The following GALNT13 variants were observed in gnomAD, a reference collection of about 807,000 sequenced individuals.
GALNT13 encodes polypeptide N-acetylgalactosaminyltransferase 13, also known as UDP-GalNAc:polypeptide N-acetylgalactosaminyltransferase 13.
GALNT13 carries 28 observed loss-of-function variants against 64.2 expected under a neutral mutation model. That is an observed-to-expected ratio of 0.44 (90% CI 0.32 to 0.60). The LOEUF is 0.60. Among genes scored for constraint, GALNT13 ranks in the 20% least tolerant of loss-of-function variants. The pLI, the probability that GALNT13 is intolerant of heterozygous loss-of-function variation, is 0.05. For missense variants in GALNT13, 577 were observed against 669.8 expected (o/e 0.86, Z 1.53); for synonymous variants, 214 against 224.6 (o/e 0.95, Z 0.42).
chr2:153,696,649 T>G, the GALNT13 span, among the ~76,000 whole-genome samples: 2 of 152,192 alleles, frequency 1.3e-5, no homozygotes, highest in African/African-American at 4.8e-5. Context: ...AAGTTATGCA[T>G]ATGTAGTCAT....
chr2:153,609,500 A>G, the GALNT13 span, among the ~76,000 whole-genome samples: 1 of 152,110 alleles, frequency 6.6e-6, no homozygotes, highest in Non-Finnish European at 1.5e-5. Context: ...GTAACTTTTA[A>G]TGTACATTTG....
chr2:154,266,018 A>G (rs964429816), intron 8 of GALNT13, among the ~76,000 whole-genome samples: 23 of 152,200 alleles, frequency 1.5e-4, no homozygotes, highest in African/African-American at 5.5e-4. Flanking sequence ...TTGATTGGTC[A>G]TCTGAATAGA....
At chr2:154,181,805 T>G (rs1172165809) in intron 4 of GALNT13, among the ~76,000 whole-genome samples, 1 of 152,050 alleles carries the variant, frequency 6.6e-6, no homozygotes, top group Admixed American at 6.6e-5. Context: ...TAAATAATAT[T>G]TCACCATTTT....
chr2:153,582,054 G>C, the GALNT13 span, among the ~76,000 whole-genome samples: 1 of 152,122 alleles, frequency 6.6e-6, no homozygotes. Context: ...GGAGAGGGAA[G>C]TGCATTCTGT....
At position 154,450,757 on chromosome 2, in the gene GALNT13, T is replaced by C; in HGVS notation, c.*206T>C. On this transcript the variant is annotated 3_prime_UTR_variant, in exon 13 of 13. Coordinates refer to ENST00000392825, the MANE Select transcript of GALNT13 (RefSeq NM_052917.4). ...TGATCAAAGCACATAAGAATATAAA[T>C]AATAGCAAACTACTATTAAACAACA... The C allele has an allele frequency of 2.2e-6, 1 of 458,072 alleles. No homozygotes were observed. Among genetic ancestry groups the C allele is most frequent in the Middle Eastern group, 5.8e-4 (1 of 1,732 alleles). The allele number at this position is 458,072 out of a possible 1,614,324, so 28.4% of individuals were successfully genotyped here.
chr2:153,140,551 C>A, the GALNT13 span, among the ~76,000 whole-genome samples: 1 of 152,002 alleles, frequency 6.6e-6, no homozygotes, highest in Non-Finnish European at 1.5e-5. Context: ...AATCTTATGG[C>A]TTGAGTCTAG....
At chr2:153,431,100 A>C in the GALNT13 span, among the ~76,000 whole-genome samples, 1 of 151,268 alleles carries the variant, frequency 6.6e-6, no homozygotes, top group South Asian at 2.1e-4. Context: ...CAGTGAGCCG[A>C]GATTGTGCCA....
At chr2:154,353,359 TA>T (rs774347248) in intron 9 of GALNT13, among the ~76,000 whole-genome samples, 14 of 152,188 alleles carry the variant, frequency 9.2e-5, no homozygotes, top group Non-Finnish European at 1.8e-4. Context: ...ATATAGATAG[TA>T]AAATGGTTAT....
the GALNT13 span, among the ~76,000 whole-genome samples, chr2:153,084,940 G>GA: frequency 2.6e-5 from 4 of 152,310 alleles, no homozygotes; most frequent in East Asian, 3.9e-4. Context: ...AAGAAGACAG[G>GA]AAAATGTGAG....
the GALNT13 span, among the ~76,000 whole-genome samples, chr2:153,127,290 G>A: frequency 1.3e-5 from 2 of 152,080 alleles, no homozygotes; most frequent in African/African-American, 4.8e-5. Context: ...AGCATACTGA[G>A]CTGAGAAATT....
At chr2:154,343,676 T>C (rs180932392) in intron 9 of GALNT13, among the ~76,000 whole-genome samples, 1 of 152,202 alleles carries the variant, frequency 6.6e-6, no homozygotes, top group East Asian at 1.9e-4. Context: ...AAGATCTTCT[T>C]GAATATGTGA....
At chr2:153,127,925 A>T in the GALNT13 span, among the ~76,000 whole-genome samples, 1 of 152,224 alleles carries the variant, frequency 6.6e-6, no homozygotes, top group Non-Finnish European at 1.5e-5. Flanking sequence ...TGCAAATGCC[A>T]TACTGTGTTC....
chr2:154,172,482 CTT>C (rs950435216), intron 4 of GALNT13, among the ~76,000 whole-genome samples: 3 of 152,128 alleles, frequency 2.0e-5, no homozygotes, highest in African/African-American at 7.2e-5. Flanking sequence ...AACCACCAAT[CTT>C]TTCTGTCTTC....
the GALNT13 span, among the ~76,000 whole-genome samples, chr2:153,192,849 T>C: frequency 6.6e-6 from 1 of 151,992 alleles, no homozygotes; most frequent in African/African-American, 2.4e-5. Flanking sequence ...GCATAGAATA[T>C]TTTTTCCATC....
chr2:153,456,714 C>A, the GALNT13 span, among the ~76,000 whole-genome samples: 1 of 152,070 alleles, frequency 6.6e-6, no homozygotes, highest in Non-Finnish European at 1.5e-5. Context: ...TCCTATCGTG[C>A]AAATGAAAAA....
intron 8 of GALNT13, among the ~76,000 whole-genome samples, chr2:154,295,132 G>A (rs4664731): frequency 0.97 from 148,027 of 152,242 alleles, 72,106 homozygotes; most frequent in East Asian, 1. Flanking sequence ...CATATTTATA[G>A]AAAGGCAAAT....
chr2:154,417,936 A>T (rs1208215357), intron 11 of GALNT13, among the ~76,000 whole-genome samples: 2 of 151,724 alleles, frequency 1.3e-5, no homozygotes, highest in Non-Finnish European at 2.9e-5. Flanking sequence ...AGACTGCAGA[A>T]TTTTTTCTCT....
At chr2:153,343,125 A>T in the GALNT13 span, among the ~76,000 whole-genome samples, 87 of 152,288 alleles carry the variant, frequency 5.7e-4, no homozygotes, top group Middle Eastern at 3.4e-3. Flanking sequence ...TGACTGAATG[A>T]CTTTAGGTCT....
At chr2:154,310,361 G>A (rs7571016) in intron 9 of GALNT13, among the ~76,000 whole-genome samples, 90,481 of 151,868 alleles carry the variant, frequency 0.6, 26,962 homozygotes, top group Admixed American at 0.63. Flanking sequence ...AATGAAATAT[G>A]TAAGTCCCAA....
Sources: allele counts gnomAD v4.1 joint callset (sites outside exome capture counted in the v4.1 genomes callset), GRCh38; gene constraint gnomAD v4.1.1; transcripts MANE v1.5; gene names NCBI Gene and HGNC (gene_info 2026-07-23, HGNC 2026-07-21).